Variants in BMERB1 observed in about 807,000 individuals in gnomAD.
The protein encoded by BMERB1 is bMERB domain-containing protein 1.
BMERB1 carries 12 observed loss-of-function variants against 23.6 expected under a neutral mutation model. The ratio of observed to expected loss-of-function variants is 0.51; its 90% CI spans 0.33 to 0.82. The LOEUF (loss-of-function observed/expected upper bound fraction) is 0.82. Ranked by LOEUF, BMERB1 falls within the 40% of genes least tolerant of loss-of-function variation. The pLI, the probability that BMERB1 is intolerant of heterozygous loss-of-function variation, is 0.03. For missense variants in BMERB1, 247 were observed against 255.4 expected (o/e 0.97, Z 0.22); for synonymous variants, 122 against 96.6 (o/e 1.26, Z -1.54).
intron 1 of BMERB1, among the ~76,000 whole-genome samples, chr16:15,463,834 A>C (rs965841687): frequency 4.0e-5 from 6 of 151,736 alleles, no homozygotes; most frequent in African/African-American, 1.5e-4. Flanking sequence ...GGGATGCCTC[A>C]GCATCATCAA....
rs1057455269 is a variant in BMERB1, at chr16:15,567,845, A to G, written c.231-138A>G. 83 of 676,714 alleles carry G rather than the reference A, an allele frequency of 1.2e-4. No homozygotes were observed. The Middle Eastern group carries it at 4.1e-3, about 33-fold the overall frequency. The allele number at this position is 676,714 out of a possible 1,614,324, so 41.9% of individuals were successfully genotyped here. On this transcript the variant is annotated intron_variant, in intron 2 of 5. Coordinates refer to ENST00000300006, the MANE Select transcript of BMERB1 (RefSeq NM_033201.3). Reference sequence around the variant, plus strand: ...GTGTTTGGCTTTTTCCTTTTGAGGGAAAACCTCTACAATGAGCATGTATGG... The same window carrying G: ...GTGTTTGGCTTTTTCCTTTTGAGGGGAAACCTCTACAATGAGCATGTATGG...
At chr16:15,541,222 A>G (rs570737766) in intron 2 of BMERB1, among the ~76,000 whole-genome samples, 1 of 152,044 alleles carries the variant, frequency 6.6e-6, no homozygotes, top group Non-Finnish European at 1.5e-5. Flanking sequence ...AGAGAGATGC[A>G]TTGGGCAAGG....
intron 2 of BMERB1, among the ~76,000 whole-genome samples, chr16:15,526,632 C>G (rs1277353044): frequency 6.8e-6 from 1 of 146,264 alleles, no homozygotes; most frequent in Non-Finnish European, 1.5e-5. Flanking sequence ...CCACTGCACT[C>G]CAGCCTGGGC....
At chr16:15,563,720 C>T (rs1219745735) in intron 2 of BMERB1, among the ~76,000 whole-genome samples, 2 of 152,112 alleles carry the variant, frequency 1.3e-5, no homozygotes, top group Non-Finnish European at 2.9e-5. Context: ...GTGCTACACA[C>T]ACTTAAACAA....
chr16:15,505,618 A>C (rs1260356034), intron 1 of BMERB1, among the ~76,000 whole-genome samples: 1 of 152,180 alleles, frequency 6.6e-6, no homozygotes, highest in African/African-American at 2.4e-5. Context: ...GGCCAAGCGC[A>C]GTGGCTCACG....
intron 2 of BMERB1, among the ~76,000 whole-genome samples, chr16:15,555,911 G>A (rs1304954354): frequency 6.6e-6 from 1 of 152,172 alleles, no homozygotes; most frequent in East Asian, 1.9e-4. Flanking sequence ...CAGGCGCGGT[G>A]GCTCATGCCT....
chr16:15,497,675 C>G (rs2051486768), intron 1 of BMERB1, among the ~76,000 whole-genome samples: 1 of 152,192 alleles, frequency 6.6e-6, no homozygotes, highest in Admixed American at 6.5e-5. Flanking sequence ...TGTCACCCCT[C>G]TTGCCTTGTA....
At chr16:15,522,737 T>C (rs570162411) in intron 2 of BMERB1, among the ~76,000 whole-genome samples, 2 of 152,082 alleles carry the variant, frequency 1.3e-5, no homozygotes, top group Non-Finnish European at 2.9e-5. Context: ...AGTGGCTCGC[T>C]TCTTCAGTGC....
chr16:15,467,901 C>T (rs2051195037), intron 1 of BMERB1, among the ~76,000 whole-genome samples: 1 of 151,948 alleles, frequency 6.6e-6, no homozygotes, highest in Non-Finnish European at 1.5e-5. Context: ...ACTTTCAAGT[C>T]ATAGGTGGAT....
At chr16:15,464,354 A>G (rs1393176713) in intron 1 of BMERB1, among the ~76,000 whole-genome samples, 1 of 148,818 alleles carries the variant, frequency 6.7e-6, no homozygotes, top group African/African-American at 2.5e-5. Flanking sequence ...AATGTCAGGT[A>G]TGGTGGCTCA....
intron 1 of BMERB1, among the ~76,000 whole-genome samples, chr16:15,492,590 A>C (rs1021656235): frequency 6.6e-6 from 1 of 152,214 alleles, no homozygotes; most frequent in South Asian, 2.1e-4. Context: ...AACAGTGCCA[A>C]CTCATCTTGA....
rs1219078348 is a variant in BMERB1, at chr16:15,583,233, C to T, written c.497C>T (p.Pro166Leu). 3.1e-6 allele frequency: 5 copies of T among 1,604,634 alleles called. No individual in the cohort carries two copies. Among genetic ancestry groups the T allele is most frequent in the Non-Finnish European group, 4.3e-6 (5 of 1,171,538 alleles). The stretch of plus-strand genomic sequence containing the variant: ...CCTCTAGACAAAGTAACCAAATCTC[C>T]AGCCAGTGAGTATATACATTATTCA... Reference protein sequence around the residue: ...LKPLDKVTKSPASSRAEKKAE... With the variant: ...LKPLDKVTKSLASSRAEKKAE... The change falls in exon 5 of 6, where the codon CCA becomes CTA. Residue 166 changes from proline (P) to leucine (L), a missense_variant. Coordinates refer to ENST00000300006, the MANE Select transcript of BMERB1 (RefSeq NM_033201.3).
chr16:15,489,221 G>C (rs1429029563), intron 1 of BMERB1, among the ~76,000 whole-genome samples: 1 of 152,072 alleles, frequency 6.6e-6, no homozygotes, highest in Non-Finnish European at 1.5e-5. Flanking sequence ...GGTGCCAGTT[G>C]GTTCCCCAAA....
chr16:15,507,578 T>C (rs1352180195), intron 1 of BMERB1, among the ~76,000 whole-genome samples: 3 of 152,124 alleles, frequency 2.0e-5, no homozygotes, highest in Non-Finnish European at 4.4e-5. Context: ...AGACTTGTTG[T>C]CTCTAGCCAG....
chr16:15,586,498 G>A (rs568714948), intron 5 of BMERB1, among the ~76,000 whole-genome samples: 1 of 152,302 alleles, frequency 6.6e-6, no homozygotes, highest in South Asian at 2.1e-4. Flanking sequence ...TGGAAGCTGA[G>A]CATTGAGGAC....
At chr16:15,526,716 A>G (rs1165111155) in intron 2 of BMERB1, among the ~76,000 whole-genome samples, 5 of 150,144 alleles carry the variant, frequency 3.3e-5, no homozygotes, top group African/African-American at 7.3e-5. Flanking sequence ...GGCTTCATAT[A>G]TGGGTGGTAA....
At chr16:15,435,922 TTTTC>T (rs1192397052) in intron 1 of BMERB1, among the ~76,000 whole-genome samples, 1 of 152,166 alleles carries the variant, frequency 6.6e-6, no homozygotes, top group Non-Finnish European at 1.5e-5. Context: ...ACCTCTTTCC[TTTTC>T]TTTTTTTTTC....
At chr16:15,532,538 C>CT in intron 2 of BMERB1, among the ~76,000 whole-genome samples, 1 of 95,108 alleles carries the variant, frequency 1.1e-5, no homozygotes, top group Admixed American at 1.2e-4. Context: ...TTTTTTTTTT[C>CT]TTTTTCTTTT....
At chr16:15,442,223 C>T (rs910817460) in intron 1 of BMERB1, among the ~76,000 whole-genome samples, 1 of 151,700 alleles carries the variant, frequency 6.6e-6, no homozygotes, top group Non-Finnish European at 1.5e-5. Context: ...CCTAGCTACT[C>T]GGGAGGCTGA....
Sources: allele counts gnomAD v4.1 joint callset (sites outside exome capture counted in the v4.1 genomes callset), GRCh38; gene constraint gnomAD v4.1.1; transcripts MANE v1.5; gene names NCBI Gene and HGNC (gene_info 2026-07-23, HGNC 2026-07-21).